The following MAU2 variants were observed in gnomAD, a reference collection of about 807,000 sequenced individuals.
MAU2 encodes MAU2 chromatid cohesion factor homolog.
Under a neutral mutation model 89.1 loss-of-function variants are expected in MAU2, and 9 were observed. That is an observed-to-expected ratio of 0.10 (90% confidence interval 0.06 to 0.18). MAU2 has a LOEUF of 0.18. Ranked by LOEUF, MAU2 falls within the 10% of genes least tolerant of loss-of-function variation. The pLI is 1.00. For synonymous variants in MAU2, 357 were observed against 343.4 expected, an observed-to-expected ratio of 1.04 and a Z score of -0.44; for missense variants, 425 against 803.5, an observed-to-expected ratio of 0.53 and a Z score of 5.69.
intron 13 of MAU2, chr19:19,348,171 C>G (rs2061711033): frequency 6.5e-6 from 1 of 154,258 alleles, no homozygotes; most frequent in Non-Finnish European, 1.4e-5. Flanking sequence ...TCAAGACCAG[C>G]CTGGGCAACA....
chr19:19,346,044 A>G (rs992891035), intron 12 of MAU2, among the ~76,000 whole-genome samples: 2 of 151,980 alleles, frequency 1.3e-5, no homozygotes, highest in Admixed American at 1.3e-4. Flanking sequence ...TCTGTCTGCC[A>G]CTCGGGCAAG....
intron 16 of MAU2, chr19:19,352,836 A>G (rs1395075604): frequency 1.3e-5 from 2 of 152,104 alleles, no homozygotes; most frequent in African/African-American, 4.8e-5. Context: ...TCGGGTGACA[A>G]GCGGCGCCCA....
At chr19:19,333,328 T>TA (rs1270404310) in intron 1 of MAU2, among the ~76,000 whole-genome samples, 1 of 151,454 alleles carries the variant, frequency 6.6e-6, no homozygotes, top group Non-Finnish European at 1.5e-5. Context: ...CTACAAAAAA[T>TA]AAAAAAAATT....
intron 16 of MAU2, among the ~76,000 whole-genome samples, chr19:19,351,098 A>G (rs1365880535): frequency 1.3e-5 from 2 of 151,914 alleles, no homozygotes; most frequent in Non-Finnish European, 2.9e-5. Flanking sequence ...GTTGGAGCGC[A>G]GTGGCATGAT....
At position 19,345,540 on chromosome 19, in the gene MAU2, TTATCTG is replaced by T. The variant is rs1464048596; in HGVS notation, c.1221+172_1221+177del. Among the ~76,000 whole-genome samples, 3 of 152,168 alleles carry T rather than the reference TTATCTG, an allele frequency of 2.0e-5. No homozygotes were observed. Among genetic ancestry groups the T allele is most frequent in the Non-Finnish European group, 4.4e-5 (3 of 68,018 alleles). ...GCCAGCCTTGGCAGTGACGCGCTGT[TTATCTG>T]GATAAGGGACAGCTATGGGGCCAGG... is the stretch of plus-strand genomic sequence containing the variant. On this transcript the variant is annotated intron_variant, in intron 12 of 18. Coordinates refer to ENST00000262815, the MANE Select transcript of MAU2 (RefSeq NM_015329.4). This position sits in a 1 kb window ranked among gnomAD's most constrained non-coding sequence, Gnocchi z 4.9.
chr19:19,334,867 G>A (rs1319001536), intron 1 of MAU2, among the ~76,000 whole-genome samples: 1 of 152,224 alleles, frequency 6.6e-6, no homozygotes, highest in Non-Finnish European at 1.5e-5. Context: ...CCCACAGAGT[G>A]CGATGAGTTA....
At chr19:19,355,497 C>T (rs2048167532) in intron 18 of MAU2, 106 bp downstream of exon 18, 2 of 1,505,070 alleles carry the variant, frequency 1.3e-6, no homozygotes, top group East Asian at 2.3e-5. Context: ...CAAACCCTAA[C>T]TCAGCCTCAG....
chr19:19,347,429 G>A (rs2061702350), intron 13 of MAU2, 63 bp downstream of exon 13: 1 of 1,383,272 alleles, frequency 7.2e-7, no homozygotes, highest in South Asian at 1.2e-5. Context: ...GGGGAACCAG[G>A]GGGTTGTCCT....
chr19:19,344,964 A>G (rs771103746), intron 11 of MAU2, 38 bp downstream of exon 11: 1 of 1,590,022 alleles, frequency 6.3e-7, no homozygotes, highest in Non-Finnish European at 8.6e-7. Flanking sequence ...GAGAATCCAG[A>G]ATGTTCTCAG....
At position 19,351,837 on chromosome 19, in the gene MAU2, A is replaced by ATT. The variant is rs35932608; in HGVS notation, c.1548+2429_1548+2430dup. Among the ~76,000 whole-genome samples the ATT allele has an allele frequency of 8.3e-4, 49 of 58,956 alleles. 2 individuals are homozygous for ATT. The highest frequency in any genetic ancestry group is 2.1e-3 in the African/African-American group (31 of 14,818). The allele number at this position is 58,956 out of a possible 152,430, so 38.7% of individuals were successfully genotyped here. On this transcript the variant is annotated intron_variant, in intron 16 of 18. Transcript: ENST00000262815. Reference sequence around the variant, plus strand: ...GTTTTGCTTGTCAGCCTGTTTGGTAATTTTTTTTTTTTTTTTTTTTTTTTT... The same window carrying ATT: ...GTTTTGCTTGTCAGCCTGTTTGGTAATTTTTTTTTTTTTTTTTTTTTTTTTTT...
In MAU2 at chr19:19,320,839, CTT is replaced by C. The variant is rs1568642753; in HGVS notation, c.-20_-19del. 5.3e-6 allele frequency: 8 copies of C among 1,501,946 alleles called. No individual in the cohort carries two copies. Among genetic ancestry groups the C allele is most frequent in the Admixed American group, 2.4e-5 (1 of 40,954 alleles). 93.0% of individuals were successfully genotyped at this position (1,501,946 alleles called of 1,614,324 possible). A position where few individuals can be genotyped will look rare whatever the true frequency, so the allele number is the denominator to read the frequency against. ...TGCTTCCGCCTCCCTGTGGCGGCGGCTTGTTGTTGTGGAGGCCAAAATGGCGG... is the reference window on the plus strand; with the variant it reads ...TGCTTCCGCCTCCCTGTGGCGGCGGCGTTGTTGTGGAGGCCAAAATGGCGG... On this transcript the variant is annotated 5_prime_UTR_variant, in exon 1 of 19. Transcript: ENST00000262815.
chr19:19,334,809 C>G (rs1568654754), intron 1 of MAU2, among the ~76,000 whole-genome samples: 1 of 152,218 alleles, frequency 6.6e-6, no homozygotes, highest in Non-Finnish European at 1.5e-5. Context: ...GAACTGGCCC[C>G]TCACTTCCCA....
In MAU2 at chr19:19,355,284, A is replaced by C. The variant is rs2048164965; in HGVS notation, c.1660A>C (p.Asn554His). 1 of 1,614,058 alleles carries C rather than the reference A, an allele frequency of 6.2e-7. No homozygotes were observed. Among genetic ancestry groups the C allele is most frequent in the Non-Finnish European group, 8.5e-7 (1 of 1,179,974 alleles). The part of the protein sequence containing the change: ...LLRDLNKACG[N>H]AMDAHEAAQM... The stretch of plus-strand genomic sequence containing the variant: ...CTCAGACCTGAATAAAGCCTGTGGG[A>C]ACGCCATGGATGCCCATGAAGCCGC... The change falls in exon 18 of 19, where the codon AAC becomes CAC. Residue 554 changes from asparagine (N) to histidine (H), a missense_variant. Around this residue, in one of 11 missense-constraint regions of MAU2, gnomAD observed 33 missense variants for 94.1 expected, o/e 0.35. Transcript: ENST00000262815.
At position 19,328,680 on chromosome 19, in the gene MAU2, C is replaced by CTGGGATT. The variant is rs1452488708; in HGVS notation, c.277-7038_277-7037insTGGGATT. 8.5e-5 allele frequency among the ~76,000 whole-genome samples: 13 copies of CTGGGATT among 152,288 alleles called. No homozygotes were observed. In the East Asian group the frequency reaches 2.5e-3, roughly 29 times the overall value. On this transcript the variant is annotated intron_variant, in intron 1 of 18. Coordinates refer to ENST00000262815, the MANE Select transcript of MAU2 (RefSeq NM_015329.4). Reference sequence around the variant, plus strand: ...TCGTAATCCGCCCGCCTCAGCCTCCCAAAGTGCTGGGATTACAGGCGTGAG... The same window carrying CTGGGATT: ...TCGTAATCCGCCCGCCTCAGCCTCCCTGGGATTAAAGTGCTGGGATTACAGGCGTGAG...
chr19:19,347,127 T>A (rs1250385374), intron 12 of MAU2, 153 bp from the exon 13 acceptor site: 1 of 615,470 alleles, frequency 1.6e-6, no homozygotes, highest in Non-Finnish European at 2.9e-6. Context: ...AGCTGTGTTA[T>A]CCTTGAGCTT....
chr19:19,321,050 A>T lies in MAU2; in HGVS notation c.191A>T (p.Glu64Val), dbSNP rs776493033. The T allele has an allele frequency of 6.2e-7, 1 of 1,612,920 alleles. No homozygotes were observed. The highest frequency in any genetic ancestry group is 2.2e-5 in the East Asian group (1 of 44,840). ...VFPFKPPQRI[E>V]ARTHLQLGSV... ...CCCTTCAAGCCGCCGCAGCGCATCG[A>T]GGCCCGTACACACCTGCAGCTGGGC... The change falls in exon 1 of 19, where the codon GAG (glutamate) becomes GTG (valine). Residue 64 changes from glutamate (E) to valine (V), a missense_variant. Glu to Val is a moderately radical substitution (Grantham distance 121, BLOSUM62 -2). This residue lies in a region of MAU2 where 57 missense variants were observed against 57.5 expected (regional missense o/e 0.99). Transcript: ENST00000262815.
intron 13 of MAU2, chr19:19,347,834 A>C (rs2061707275): frequency 6.5e-6 from 1 of 154,580 alleles, no homozygotes; most frequent in Non-Finnish European, 1.4e-5. Flanking sequence ...CAATGCTTGC[A>C]TAAGAGTTAG....
chr19:19,354,342 T>C lies in MAU2; in HGVS notation c.1549-13T>C. ...CAGGCTCCTCACTCCCCCTTGCTGC[T>C]CTTGGTTGACAGGAGAGTAACAACA... On this transcript the variant is annotated splice_polypyrimidine_tract_variant and intron_variant, in intron 16 of 18. Coordinates refer to ENST00000262815, the MANE Select transcript of MAU2 (RefSeq NM_015329.4). 2 of 1,611,190 alleles carry C rather than the reference T, an allele frequency of 1.2e-6. No homozygotes were observed. The highest frequency in any genetic ancestry group is 1.7e-6 in the Non-Finnish European group (2 of 1,177,456).
intron 1 of MAU2, among the ~76,000 whole-genome samples, chr19:19,323,368 T>G (rs2061479071): frequency 6.6e-6 from 1 of 151,948 alleles, no homozygotes; most frequent in Non-Finnish European, 1.5e-5. Flanking sequence ...CTAATTTTTG[T>G]ATTTTTAGTA....
Sources: allele counts gnomAD v4.1 joint callset (sites outside exome capture counted in the v4.1 genomes callset), GRCh38; gene constraint gnomAD v4.1.1; regional missense constraint gnomAD v4.1.1; non-coding constraint Gnocchi (gnomAD v3.1); transcripts MANE v1.5; gene names NCBI Gene and HGNC (gene_info 2026-07-23, HGNC 2026-07-21).